The following NUP98 variants were observed in gnomAD, a reference collection of about 807,000 sequenced individuals.
NUP98 encodes the protein nucleoporin 98 and 96 precursor.
Under a neutral mutation model 191.9 loss-of-function variants are expected in NUP98, and 26 were observed. The observed-to-expected ratio is 0.14, with a 90% CI of 0.10 to 0.19. The LOEUF is 0.19. NUP98 is among the 10% of genes least tolerant of loss of function. NUP98 has a pLI of 1.00. For synonymous variants in NUP98, 808 were observed against 778.4 expected (o/e 1.04, Z -0.63); for missense variants, 1,941 against 2,178.8 (o/e 0.89, Z 2.17).
intron 2 of NUP98, chr11:3,781,280 G>T (rs1017700195): frequency 3.2e-4 from 48 of 151,060 alleles, no homozygotes; most frequent in African/African-American, 1.1e-3. Context: ...CTCCTGGAAA[G>T]AAAGAGATAA....
At chr11:3,721,802 G>GA (rs2079412996) in intron 16 of NUP98, among the ~76,000 whole-genome samples, 1 of 152,012 alleles carries the variant, frequency 6.6e-6, no homozygotes, top group South Asian at 2.1e-4. Flanking sequence ...AAAACTCAAG[G>GA]AAAGTAGTGG....
intron 5 of NUP98, among the ~76,000 whole-genome samples, chr11:3,774,212 A>C (rs1303951092): frequency 6.6e-6 from 1 of 151,448 alleles, no homozygotes; most frequent in East Asian, 1.9e-4. Flanking sequence ...AGCCTGGCTA[A>C]TATGGTGAAA....
chr11:3,770,547 T>G (rs1426204084), intron 7 of NUP98, among the ~76,000 whole-genome samples: 1 of 146,980 alleles, frequency 6.8e-6, no homozygotes, highest in African/African-American at 2.5e-5. Flanking sequence ...AAATACGTAT[T>G]TGTGTGTGTG....
chr11:3,681,917 T>A (rs559258599), intron 30 of NUP98, among the ~76,000 whole-genome samples: 52 of 152,078 alleles, frequency 3.4e-4, no homozygotes, highest in Non-Finnish European at 6.3e-4. Flanking sequence ...TAGAAGGCAG[T>A]TTCATCTACA....
intron 14 of NUP98, among the ~76,000 whole-genome samples, chr11:3,727,482 C>A (rs2079663832): frequency 6.6e-6 from 1 of 152,190 alleles, no homozygotes; most frequent in Non-Finnish European, 1.5e-5. Flanking sequence ...GGGCTCCTTG[C>A]TGCCCAAATA....
At chr11:3,703,386 T>C (rs1268826706) in intron 22 of NUP98, among the ~76,000 whole-genome samples, 1 of 151,998 alleles carries the variant, frequency 6.6e-6, no homozygotes, top group African/African-American at 2.4e-5. Flanking sequence ...TGGCTAACTT[T>C]TCTGTATTTT....
chr11:3,779,288 A>T, intron 2 of NUP98, 31 bp from the exon 3 acceptor site: 1 of 1,485,412 alleles, frequency 6.7e-7, no homozygotes, highest in Non-Finnish European at 9.4e-7. Context: ...GTAAATTAGA[A>T]TTTAGAATAA....
At chr11:3,697,470 T>A (rs2078544311) in intron 25 of NUP98, among the ~76,000 whole-genome samples, 1 of 152,074 alleles carries the variant, frequency 6.6e-6, no homozygotes, top group Admixed American at 6.6e-5. Flanking sequence ...TGAATAAGGA[T>A]CTGATCATAT....
At chr11:3,772,155 C>G (rs2081551997) in intron 6 of NUP98, among the ~76,000 whole-genome samples, 1 of 152,082 alleles carries the variant, frequency 6.6e-6, no homozygotes, top group Non-Finnish European at 1.5e-5. Context: ...GAGTCAATAT[C>G]TTAATCTCAG....
chr11:3,726,952 G>C (rs1008922866), intron 14 of NUP98, among the ~76,000 whole-genome samples: 13 of 151,942 alleles, frequency 8.6e-5, no homozygotes, highest in African/African-American at 2.9e-4. Context: ...TTTTTTTAGA[G>C]ACAAGGTCTC....
intron 22 of NUP98, 122 bp downstream of exon 22, chr11:3,705,078 C>T (rs2078818703): frequency 1.2e-6 from 1 of 859,108 alleles, no homozygotes; most frequent in Non-Finnish European, 1.8e-6. Flanking sequence ...CCTTATGTCA[C>T]AGGTATAGTT....
At chr11:3,787,690 A>T (rs1028753702) in intron 1 of NUP98, among the ~76,000 whole-genome samples, 4 of 151,066 alleles carry the variant, frequency 2.6e-5, no homozygotes, top group African/African-American at 7.3e-5. Flanking sequence ...TAAACTCTTT[A>T]TTAGTATAAA....
intron 13 of NUP98, among the ~76,000 whole-genome samples, chr11:3,732,116 C>T (rs1354072272): frequency 3.3e-5 from 5 of 152,094 alleles, no homozygotes; most frequent in Admixed American, 3.3e-4. Context: ...ACAGTGGAAG[C>T]GTGCACCTGT....
At chr11:3,774,113 C>T (rs966062209) in intron 5 of NUP98, among the ~76,000 whole-genome samples, 1 of 152,018 alleles carries the variant, frequency 6.6e-6, no homozygotes, top group African/African-American at 2.4e-5. Flanking sequence ...TAAAAAAATA[C>T]GGAGGGCCAG....
rs375883453 is a variant in NUP98, at chr11:3,714,001, A to T, written c.2400-6T>A. The T allele has an allele frequency of 3.7e-6, 6 of 1,613,222 alleles. No individual in the cohort carries two copies. In the African/African-American group the frequency reaches 8.0e-5, roughly 22 times the overall value. On this transcript the variant is annotated splice_polypyrimidine_tract_variant and splice_region_variant and intron_variant, in intron 18 of 32. Coordinates refer to ENST00000324932, the MANE Select transcript of NUP98 (RefSeq NM_016320.5). Reference sequence around the variant, plus strand: ...CCAATGTAACTTCAGCCTTCCTGTAAAACATAACCAATTAAAGTAACCAAT... The same window carrying T: ...CCAATGTAACTTCAGCCTTCCTGTATAACATAACCAATTAAAGTAACCAAT...
intron 23 of NUP98, among the ~76,000 whole-genome samples, chr11:3,702,108 T>C (rs1417100367): frequency 4.0e-5 from 6 of 151,886 alleles, no homozygotes; most frequent in Admixed American, 1.3e-4. Flanking sequence ...TGTGGTGGCG[T>C]GTGCATGTAA....
intron 1 of NUP98, among the ~76,000 whole-genome samples, chr11:3,790,577 G>A (rs569053669): frequency 6.6e-6 from 1 of 152,172 alleles, no homozygotes; most frequent in South Asian, 2.1e-4. Flanking sequence ...CAAAATCAAT[G>A]GTGTGCAAAA....
At chr11:3,768,535 A>T in intron 8 of NUP98, 46 bp downstream of exon 8, 1 of 1,447,410 alleles carries the variant, frequency 6.9e-7, no homozygotes, top group East Asian at 2.4e-5. Flanking sequence ...TCATTACTTA[A>T]CTCTAAAAAT....
At chr11:3,736,686 A>T (rs1172226237) in intron 12 of NUP98, among the ~76,000 whole-genome samples, 3 of 152,240 alleles carry the variant, frequency 2.0e-5, no homozygotes, top group African/African-American at 7.2e-5. Flanking sequence ...TTATGTAGTT[A>T]TTAAAAATAA....
Sources: gnomAD v4.1 joint callset for allele counts (sites outside exome capture counted in the v4.1 genomes callset) on GRCh38, gnomAD v4.1.1 for gene constraint, MANE v1.5 for transcripts, NCBI Gene and HGNC (gene_info 2026-07-23, HGNC 2026-07-21) for gene names.